The following PACRG variants were observed in gnomAD, a reference collection of about 807,000 sequenced individuals.
PACRG encodes the protein parkin coregulated, also known as parkin coregulated gene protein.
PACRG carries 29 observed loss-of-function variants against 29.7 expected under a neutral mutation model. That is an observed-to-expected ratio of 0.98 (90% CI 0.73 to 1.33). The LOEUF (loss-of-function observed/expected upper bound fraction) is 1.33. PACRG is among the 40% of genes most tolerant of loss of function. PACRG has a pLI of 0.00. For missense variants in PACRG, 279 were observed against 316.2 expected, an observed-to-expected ratio of 0.88 and a Z score of 0.89; for synonymous variants, 116 against 118.7, an observed-to-expected ratio of 0.98 and a Z score of 0.15.
intron 2 of PACRG, among the ~76,000 whole-genome samples, chr6:162,931,978 A>G (rs2128106817): frequency 6.6e-6 from 1 of 152,138 alleles, no homozygotes; most frequent in South Asian, 2.1e-4. Flanking sequence ...AGGGCTTTAT[A>G]TGTAAATACC....
intron 2 of PACRG, among the ~76,000 whole-genome samples, chr6:162,970,355 G>C (rs1301557340): frequency 1.3e-5 from 2 of 152,136 alleles, no homozygotes; most frequent in Non-Finnish European, 1.5e-5. Context: ...GAGCTGCTGT[G>C]GGAATATACT....
chr6:163,025,407 T>G (rs576052090), intron 2 of PACRG, among the ~76,000 whole-genome samples: 1 of 152,296 alleles, frequency 6.6e-6, no homozygotes, highest in East Asian at 1.9e-4. Context: ...GCAAACCCAA[T>G]GTACAAAAAT....
chr6:162,961,378 G>A (rs1350624712), intron 2 of PACRG, among the ~76,000 whole-genome samples: 1 of 152,216 alleles, frequency 6.6e-6, no homozygotes, highest in East Asian at 1.9e-4. Context: ...ATGACAGCAG[G>A]TGAAGTTGAC....
rs189065223 is a variant in PACRG, at chr6:163,220,163, G to A, written c.614-94664G>A. Among the ~76,000 whole-genome samples the A allele has an allele frequency of 2.4e-3, 358 of 152,228 alleles. 4 individuals carry two copies. The highest frequency in any genetic ancestry group is 8.4e-4 in the Non-Finnish European group (57 of 68,010). On this transcript the variant is annotated intron_variant, in intron 4 of 4. Transcript: ENST00000366888. ...ATAAAAGGAGCTCCCAATACATGCAGAGTGACTTCTGTGTCTTCTGCGACA... is the reference window on the plus strand; with the variant it reads ...ATAAAAGGAGCTCCCAATACATGCAAAGTGACTTCTGTGTCTTCTGCGACA...
intron 2 of PACRG, among the ~76,000 whole-genome samples, chr6:162,933,601 CT>C (rs71008119): frequency 0.43 from 32,757 of 75,360 alleles, 4,818 homozygotes; most frequent in South Asian, 0.52. Flanking sequence ...CTTTCTGTAT[CT>C]TTTTTTTTTT....
chr6:162,820,841 A>G (rs375130903), intron 2 of PACRG, among the ~76,000 whole-genome samples: 33 of 152,254 alleles, frequency 2.2e-4, no homozygotes, highest in African/African-American at 6.3e-4. Flanking sequence ...ACTTAGTAGA[A>G]TTTGCAAGGC....
At chr6:163,194,010 A>G (rs147015315) in intron 4 of PACRG, among the ~76,000 whole-genome samples, 1,537 of 151,048 alleles carry the variant, frequency 0.01, 27 homozygotes, top group African/African-American at 0.036. Context: ...CTCCTGCCTC[A>G]GCCTCCCGAG....
At chr6:163,007,656 G>A (rs78602425) in intron 2 of PACRG, among the ~76,000 whole-genome samples, 2,684 of 152,194 alleles carry the variant, frequency 0.018, 67 homozygotes, top group African/African-American at 0.049. Flanking sequence ...TGCTTCTTAG[G>A]GGTGACTGCT....
At chr6:163,252,456 G>T (rs1782946092) in intron 4 of PACRG, among the ~76,000 whole-genome samples, 1 of 152,230 alleles carries the variant, frequency 6.6e-6, no homozygotes, top group Non-Finnish European at 1.5e-5. Context: ...GTCCAGGCAG[G>T]GGCCGGAGAG....
At chr6:163,155,644 G>C (rs1421866561) in intron 4 of PACRG, among the ~76,000 whole-genome samples, 1 of 152,224 alleles carries the variant, frequency 6.6e-6, no homozygotes, top group Non-Finnish European at 1.5e-5. Flanking sequence ...CAGAAACTAA[G>C]AAGTTCATTT....
chr6:162,854,621 T>C (rs1441182659), intron 2 of PACRG, among the ~76,000 whole-genome samples: 1 of 152,210 alleles, frequency 6.6e-6, no homozygotes, highest in Non-Finnish European at 1.5e-5. Context: ...TTAAAACCTA[T>C]ATTTGTTTTG....
chr6:163,079,457 T>G (rs1427980658), intron 3 of PACRG, among the ~76,000 whole-genome samples: 1 of 151,968 alleles, frequency 6.6e-6, no homozygotes, highest in South Asian at 2.1e-4. Context: ...CAACCATTCC[T>G]GTATCCTCCC....
Position 163,269,855 on chromosome 6 carries a change from A to G in PACRG, c.614-44972A>G, listed in dbSNP as rs55750319. Among the ~76,000 whole-genome samples the G allele has an allele frequency of 6.6e-3, 462 of 70,110 alleles. 84 individuals carry two copies. The highest frequency in any genetic ancestry group is 0.011 in the Non-Finnish European group (380 of 35,318). The allele number at this position is 70,110 out of a possible 152,430, so 46.0% of individuals were successfully genotyped here. On this transcript the variant is annotated intron_variant, in intron 4 of 4. Coordinates refer to ENST00000366888, the MANE Select transcript of PACRG (RefSeq NM_001080379.2). ...AGAAAGAAAAAGAAAGAAAGAAAGA[A>G]AGAGAAAGAAAGAGAAAGAAAGAAA...
At chr6:163,122,727 T>C (rs1241534800) in intron 4 of PACRG, among the ~76,000 whole-genome samples, 1 of 152,168 alleles carries the variant, frequency 6.6e-6, no homozygotes, top group Non-Finnish European at 1.5e-5. Context: ...CAGGTATTAT[T>C]TTATAGCAAC....
intron 4 of PACRG, among the ~76,000 whole-genome samples, chr6:163,204,548 G>A (rs540204826): frequency 6.6e-6 from 1 of 152,246 alleles, no homozygotes; most frequent in Admixed American, 6.5e-5. Flanking sequence ...GAAACCCGGG[G>A]CTGTAATGCA....
At chr6:163,263,014 G>A (rs1783390120) in intron 4 of PACRG, among the ~76,000 whole-genome samples, 1 of 150,826 alleles carries the variant, frequency 6.6e-6, no homozygotes, top group African/African-American at 2.4e-5. Flanking sequence ...TCACACCACT[G>A]CACTACAGCC....
chr6:163,144,946 C>A lies in PACRG; in HGVS notation c.613+55538C>A, dbSNP rs138841627. 1.9e-3 allele frequency among the ~76,000 whole-genome samples: 288 copies of A among 152,214 alleles called. 2 individuals are homozygous for A. The highest frequency in any genetic ancestry group is 6.5e-3 in the African/African-American group (270 of 41,530). On this transcript the variant is annotated intron_variant, in intron 4 of 4. Coordinates refer to ENST00000366888, the MANE Select transcript of PACRG (RefSeq NM_001080379.2). ...CTAGAGCAGGTAGAGAGATTGGGGA[C>A]CCCTCCCACCCTCTTTTCCCCATCC...
intron 1 of PACRG, among the ~76,000 whole-genome samples, chr6:162,808,679 G>A (rs2128351952): frequency 6.6e-6 from 1 of 152,162 alleles, no homozygotes; most frequent in South Asian, 2.1e-4. Flanking sequence ...CAAGTGCATT[G>A]GATTTTATTA....
intron 4 of PACRG, among the ~76,000 whole-genome samples, chr6:163,225,609 G>A (rs111670707): frequency 0.025 from 3,857 of 152,284 alleles, 165 homozygotes; most frequent in African/African-American, 0.088. Flanking sequence ...CACTGTTAGT[G>A]GGAGTGTAAA....
Sources: allele counts gnomAD v4.1 joint callset (sites outside exome capture counted in the v4.1 genomes callset), GRCh38; gene constraint gnomAD v4.1.1; transcripts MANE v1.5; gene names NCBI Gene and HGNC (gene_info 2026-07-23, HGNC 2026-07-21).